NSMCE2: variants seen among roughly 807,000 people sequenced by gnomAD.
NSMCE2 encodes E3 SUMO-protein ligase NSE2.
In NSMCE2, 24 loss-of-function variants were observed where a neutral mutation model predicts 23.8. The ratio of observed to expected loss-of-function variants is 1.01; its 90% CI spans 0.73 to 1.42. NSMCE2 has a LOEUF of 1.42. Among genes scored for constraint, NSMCE2 ranks in the 40% most tolerant of loss-of-function variants. NSMCE2 has a pLI of 0.00. For missense variants in NSMCE2, 284 were observed against 296.5 expected (o/e 0.96, Z 0.31); for synonymous variants, 92 against 94.1 (o/e 0.98, Z 0.13).
chr8:125,307,138 T>C (rs1413487465), intron 5 of NSMCE2, among the ~76,000 whole-genome samples: 5 of 152,186 alleles, frequency 3.3e-5, no homozygotes, highest in Non-Finnish European at 1.5e-5. Flanking sequence ...TCTTTTAACA[T>C]TGTGGGTACC....
intron 4 of NSMCE2, among the ~76,000 whole-genome samples, chr8:125,168,846 G>A (rs187131742): frequency 6.6e-6 from 1 of 152,336 alleles, no homozygotes; most frequent in Admixed American, 6.5e-5. Context: ...CAGAAGATAT[G>A]TGGTAATAAG....
intron 5 of NSMCE2, among the ~76,000 whole-genome samples, chr8:125,210,649 C>T (rs1299787356): frequency 6.6e-6 from 1 of 151,998 alleles, no homozygotes; most frequent in Non-Finnish European, 1.5e-5. Context: ...TTTTTCTCAC[C>T]GATCTGGCCT....
chr8:125,191,053 G>T, intron 5 of NSMCE2, among the ~76,000 whole-genome samples: 1 of 152,010 alleles, frequency 6.6e-6, no homozygotes, highest in East Asian at 1.9e-4. Context: ...TGTATTTTTA[G>T]TAGAGACGGG....
chr8:125,258,640 AAAAT>A (rs1410885946), intron 5 of NSMCE2, among the ~76,000 whole-genome samples: 1 of 152,202 alleles, frequency 6.6e-6, no homozygotes, highest in Non-Finnish European at 1.5e-5. Flanking sequence ...TCTAGAAAGT[AAAAT>A]AATAGGAAAG....
chr8:125,178,306 T>G (rs1372106814), intron 4 of NSMCE2, among the ~76,000 whole-genome samples: 1 of 152,164 alleles, frequency 6.6e-6, no homozygotes, highest in Non-Finnish European at 1.5e-5. Context: ...GCTACAGTGC[T>G]TAGCACACAG....
chr8:125,359,999 G>A (rs1484850874), intron 7 of NSMCE2, among the ~76,000 whole-genome samples: 1 of 152,188 alleles, frequency 6.6e-6, no homozygotes, highest in Non-Finnish European at 1.5e-5. Flanking sequence ...GAAAATTAGA[G>A]TATAGAGATA....
intron 5 of NSMCE2, among the ~76,000 whole-genome samples, chr8:125,302,769 C>G (rs1250831474): frequency 6.6e-6 from 1 of 152,130 alleles, no homozygotes; most frequent in Non-Finnish European, 1.5e-5. Context: ...GTCATACTGT[C>G]ATTTAATGAA....
chr8:125,098,422 GTCC>G (rs1818037156), intron 1 of NSMCE2, among the ~76,000 whole-genome samples: 1 of 152,128 alleles, frequency 6.6e-6, no homozygotes, highest in Non-Finnish European at 1.5e-5. Flanking sequence ...GAGTCAGGAA[GTCC>G]TTAGGAGTTT....
chr8:125,148,519 CTTTCA>C (rs1340619249), intron 3 of NSMCE2, among the ~76,000 whole-genome samples: 3 of 152,194 alleles, frequency 2.0e-5, no homozygotes, highest in African/African-American at 7.2e-5. Context: ...CCCTTACAGA[CTTTCA>C]TTTCTTATGC....
intron 4 of NSMCE2, among the ~76,000 whole-genome samples, chr8:125,167,414 C>G (rs916556293): frequency 2.0e-5 from 3 of 152,102 alleles, no homozygotes; most frequent in Non-Finnish European, 4.4e-5. Context: ...TGCCTGTAAT[C>G]CCAGGACTTT....
intron 5 of NSMCE2, among the ~76,000 whole-genome samples, chr8:125,304,508 G>A (rs1029286147): frequency 1.3e-5 from 2 of 152,144 alleles, no homozygotes; most frequent in African/African-American, 4.8e-5. Context: ...AAAGATGAGG[G>A]CCTGCCTGAA....
chr8:125,191,019 C>T (rs574581468), intron 5 of NSMCE2, among the ~76,000 whole-genome samples: 23 of 152,090 alleles, frequency 1.5e-4, no homozygotes, highest in African/African-American at 5.1e-4. Flanking sequence ...TACAGGCACC[C>T]GCCACGCCAC....
rs185986309 is a variant in NSMCE2 at position 125,123,383 on chromosome 8, A to C, written c.157+20896A>C. ...ATTTACTAAGCACCTTCTCTCTGAA[A>C]TATAAAGATATGGAGATATCACTCA... On this transcript the variant is annotated intron_variant, in intron 3 of 7. Transcript: ENST00000287437. Among the ~76,000 whole-genome samples, 488 of 152,382 alleles carry C rather than the reference A, an allele frequency of 3.2e-3. 1 individual carries two copies. The highest frequency in any genetic ancestry group is 0.011 in the African/African-American group (459 of 41,590).
chr8:125,162,693 C>G (rs909202755), intron 4 of NSMCE2, among the ~76,000 whole-genome samples: 4 of 152,072 alleles, frequency 2.6e-5, no homozygotes, highest in South Asian at 2.1e-4. Context: ...ACTGTTCTGT[C>G]CTGTTAACTT....
At chr8:125,193,373 A>G (rs554992927) in intron 5 of NSMCE2, among the ~76,000 whole-genome samples, 10 of 152,384 alleles carry the variant, frequency 6.6e-5, no homozygotes, top group Non-Finnish European at 8.8e-5. Context: ...ATAAGAGACA[A>G]CACACTTCTG....
chr8:125,178,505 T>C (rs1822603506), intron 4 of NSMCE2, among the ~76,000 whole-genome samples: 1 of 152,230 alleles, frequency 6.6e-6, no homozygotes, highest in Non-Finnish European at 1.5e-5. Context: ...TCTCTTAAAT[T>C]CATATGTTGA....
chr8:125,167,164 T>A (rs562799611), intron 4 of NSMCE2, among the ~76,000 whole-genome samples: 3 of 152,240 alleles, frequency 2.0e-5, no homozygotes, highest in African/African-American at 7.2e-5. Context: ...GCAAGATGGC[T>A]CTTTACCACC....
intron 4 of NSMCE2, among the ~76,000 whole-genome samples, chr8:125,155,635 G>T (rs1407348574): frequency 1.3e-5 from 2 of 152,090 alleles, no homozygotes; most frequent in African/African-American, 4.8e-5. Flanking sequence ...CTTAAAATGA[G>T]ACTTTTTATT....
intron 5 of NSMCE2, among the ~76,000 whole-genome samples, chr8:125,337,362 AT>A (rs1830091439): frequency 6.6e-6 from 1 of 152,212 alleles, no homozygotes; most frequent in Non-Finnish European, 1.5e-5. Context: ...TGCTGTGATT[AT>A]AAGGTTTCCT....
Sources: allele counts gnomAD v4.1 joint callset (sites outside exome capture counted in the v4.1 genomes callset), GRCh38; gene constraint gnomAD v4.1.1; transcripts MANE v1.5; gene names NCBI Gene and HGNC (gene_info 2026-07-23, HGNC 2026-07-21).